TNRC6B: variants seen among roughly 807,000 people sequenced by gnomAD.
TNRC6B encodes the protein trinucleotide repeat-containing gene 6B protein.
A neutral mutation model predicts 203.6 loss-of-function variants in TNRC6B; 52 were observed. The ratio of observed to expected loss-of-function variants is 0.26; its 90% confidence interval spans 0.20 to 0.32. TNRC6B has a LOEUF of 0.32. Ranked by LOEUF, TNRC6B falls within the 10% of genes least tolerant of loss-of-function variation. TNRC6B has a pLI of 1.00. For synonymous variants in TNRC6B, 838 were observed against 845.7 expected (o/e 0.99, Z 0.16); for missense variants, 1,923 against 2,286.2 (o/e 0.84, Z 3.24).
At chr22:40,156,339 A>G (rs1255660931) in intron 4 of TNRC6B, among the ~76,000 whole-genome samples, 1 of 152,250 alleles carries the variant, frequency 6.6e-6, no homozygotes, top group East Asian at 1.9e-4. Flanking sequence ...GCTTCTATTT[A>G]TAGACCAACT....
Position 40,333,290 on chromosome 22 carries a change from T to G in TNRC6B, c.*10049T>G, listed in dbSNP as rs978431548. The G allele has an allele frequency of 1.3e-5, 2 of 152,294 alleles. No homozygotes were observed. Among genetic ancestry groups the G allele is most frequent in the Non-Finnish European group, 2.9e-5 (2 of 68,124 alleles). The allele number at this position is 152,294 out of a possible 1,614,324, so 9.4% of individuals were successfully genotyped here. A position where few individuals can be genotyped will look rare whatever the true frequency, so the allele number is the denominator to read the frequency against. On this transcript the variant is annotated 3_prime_UTR_variant, in exon 23 of 23. Coordinates refer to ENST00000454349, the MANE Select transcript of TNRC6B (RefSeq NM_001162501.2). The stretch of plus-strand genomic sequence containing the variant: ...AGACGGAGGTTGCGGTGAGCCGAGA[T>G]TGCACCACTGCACTCCAGTGTGGGC...
At position 40,265,305 on chromosome 22, in the gene TNRC6B, G is replaced by A. The variant is rs772331318; in HGVS notation, c.1075G>A (p.Val359Ile). The A allele has an allele frequency of 5.0e-6, 8 of 1,613,932 alleles. No homozygotes were observed. In the Admixed American group the frequency reaches 5.0e-5, roughly 10 times the overall value. Residue 359 changes from valine to isoleucine, a missense_variant, in exon 5 of 23, where the codon GTC becomes ATC. By Grantham distance (29) the Val-to-Ile change is conservative. Coordinates refer to ENST00000454349, the MANE Select transcript of TNRC6B (RefSeq NM_001162501.2). ...KMENAGVNFV[V>I]SGREQAQIHN... is the part of the protein sequence containing the mutation. ...GGAAAATGCGGGTGTTAATTTTGTT[G>A]TCTCTGGCAGAGAACAGGCTCAAAT...
intron 1 of TNRC6B, among the ~76,000 whole-genome samples, chr22:40,226,194 G>T (rs1347130856): frequency 6.6e-6 from 1 of 152,262 alleles, no homozygotes; most frequent in Middle Eastern, 3.4e-3. Flanking sequence ...GACAACTGCT[G>T]GCACACAAGA....
chr22:40,179,931 T>C (rs968922189), intron 1 of TNRC6B, among the ~76,000 whole-genome samples: 3 of 152,238 alleles, frequency 2.0e-5, no homozygotes, highest in Non-Finnish European at 4.4e-5. Context: ...AAGGATTTTA[T>C]TATTTTAAAA....
exon 3 of TNRC6B, chr22:40,125,797 T>G: frequency 5.6e-6 from 9 of 1,608,968 alleles, no homozygotes; most frequent in Non-Finnish European, 7.6e-6. Context: ...TTCTGCAGAG[T>G]TTTGCACAAA....
At chr22:40,080,451 G>A (rs961665572) in intron 1 of TNRC6B, among the ~76,000 whole-genome samples, 2 of 152,062 alleles carry the variant, frequency 1.3e-5, no homozygotes, top group African/African-American at 2.4e-5. Flanking sequence ...AAGCACTTTT[G>A]TTAAGCAGTT....
At chr22:40,281,016 C>CT in intron 10 of TNRC6B, 103 bp from the exon 11 acceptor site, 3 of 1,025,956 alleles carry the variant, frequency 2.9e-6, no homozygotes, top group Non-Finnish European at 4.2e-6. Context: ...CTAATACACT[C>CT]TAACTTTGTT....
Position 40,312,950 on chromosome 22 carries a change from C to T in TNRC6B, c.4631C>T (p.Pro1544Leu). Residue 1544 changes from proline (P) to leucine (L), a missense_variant, in exon 19 of 23, where the codon CCC becomes CTC. Transcript: ENST00000454349. Reference sequence around the variant, plus strand: ...TCGCTGCCTTCACCTGGTGCCTGGCCCTACAGTGCCTCTGACAACTCCTTT... The same window carrying T: ...TCGCTGCCTTCACCTGGTGCCTGGCTCTACAGTGCCTCTGACAACTCCTTT... ...NTSLPSPGAW[P>L]YSASDNSFTN... 1 of 1,613,832 alleles carries T rather than the reference C, an allele frequency of 6.2e-7. No individual in the cohort carries two copies. The highest frequency in any genetic ancestry group is 1.1e-5 in the South Asian group (1 of 91,022).
intron 3 of TNRC6B, among the ~76,000 whole-genome samples, chr22:40,137,982 CAAAAAA>C (rs10578847): frequency 1.9e-4 from 21 of 109,896 alleles, no homozygotes; most frequent in Admixed American, 3.5e-4. Flanking sequence ...GACTGTATCT[CAAAAAA>C]AAAAAAAAAA....
chr22:40,073,152 T>G (rs5995807), intron 1 of TNRC6B, among the ~76,000 whole-genome samples: 27 of 150,842 alleles, frequency 1.8e-4, no homozygotes, highest in East Asian at 5.8e-4. Context: ...TTTTTTTTTT[T>G]TTTTTTTTTT....
In TNRC6B at chr22:40,130,936, C is replaced by G. The variant is rs562587415; in HGVS notation, c.45+5074C>G. Among the ~76,000 whole-genome samples, 526 of 151,008 alleles carry G rather than the reference C, an allele frequency of 3.5e-3. 1 individual carries two copies. The highest frequency in any genetic ancestry group is 0.012 in the African/African-American group (484 of 41,148). ...TTTTTTTTTGAGACAGAGTCTCGCT[C>G]TGTTGCCCAGGCTGGAGTGCAGTGG... On this transcript the variant is annotated intron_variant, in intron 3 of 23. Transcript: ENST00000301923.
intron 21 of TNRC6B, 97 bp downstream of exon 21, chr22:40,316,109 C>A: frequency 9.0e-7 from 1 of 1,113,620 alleles, no homozygotes; most frequent in Non-Finnish European, 1.3e-6. Context: ...AATCCAAGCA[C>A]TTTGGGAGGC....
intron 4 of TNRC6B, among the ~76,000 whole-genome samples, chr22:40,162,384 G>A (rs1330976346): frequency 1.3e-5 from 2 of 152,222 alleles, no homozygotes; most frequent in African/African-American, 2.4e-5. Flanking sequence ...GTGAGCCACC[G>A]CACCCGGTTT....
At chr22:40,072,861 C>CAAAAAA in intron 1 of TNRC6B, among the ~76,000 whole-genome samples, 1 of 46,518 alleles carries the variant, frequency 2.1e-5, no homozygotes, top group Non-Finnish European at 4.6e-5. Context: ...GAGATTCTCT[C>CAAAAAA]AAAAAAAAAA....
chr22:40,056,811 A>G (rs866202271), intron 1 of TNRC6B, among the ~76,000 whole-genome samples: 44 of 148,332 alleles, frequency 3.0e-4, no homozygotes, highest in African/African-American at 7.1e-4. Flanking sequence ...AAAAAAAAAA[A>G]AAAGAAAGAA....
At chr22:40,126,669 C>A (rs1051438492) in intron 3 of TNRC6B, among the ~76,000 whole-genome samples, 1 of 135,502 alleles carries the variant, frequency 7.4e-6, no homozygotes, top group Admixed American at 8.0e-5. Flanking sequence ...TGACTCATTG[C>A]AGCCTCTGCC....
At chr22:40,206,243 TGTAA>T (rs1323683016) in intron 1 of TNRC6B, among the ~76,000 whole-genome samples, 1 of 152,184 alleles carries the variant, frequency 6.6e-6, no homozygotes, top group African/African-American at 2.4e-5. Flanking sequence ...AACTTATTGG[TGTAA>T]GTATATGATT....
chr22:40,179,626 T>G (rs1416766766), intron 1 of TNRC6B, among the ~76,000 whole-genome samples: 1 of 152,234 alleles, frequency 6.6e-6, no homozygotes, highest in Non-Finnish European at 1.5e-5. Context: ...GCAGTGTTTT[T>G]TGTTGTTTCC....
chr22:40,054,386 C>T (rs937058771), intron 1 of TNRC6B, among the ~76,000 whole-genome samples: 7 of 152,096 alleles, frequency 4.6e-5, no homozygotes, highest in African/African-American at 1.4e-4. Context: ...CTTCAAGTTC[C>T]GGAAATGTGT....
Sources: gnomAD v4.1 joint callset for allele counts (sites outside exome capture counted in the v4.1 genomes callset) on GRCh38, gnomAD v4.1.1 for gene constraint, MANE v1.5 for transcripts, NCBI Gene and HGNC (gene_info 2026-07-23, HGNC 2026-07-21) for gene names.